Variants in PDE3A observed in about 807,000 individuals in gnomAD.
PDE3A encodes phosphodiesterase 3A.
PDE3A carries 43 observed loss-of-function variants against 98.3 expected under a neutral mutation model. The observed-to-expected ratio is 0.44, with a 90% CI of 0.34 to 0.56. The LOEUF (loss-of-function observed/expected upper bound fraction) is 0.56, where lower values mean the gene tolerates loss of function less well. Ranked by LOEUF, PDE3A falls within the 20% of genes least tolerant of loss-of-function variation. PDE3A has a pLI of 0.01. For synonymous variants in PDE3A, 663 were observed against 567.9 expected (o/e 1.17, Z -2.38); for missense variants, 1,427 against 1,440.7 (o/e 0.99, Z 0.15).
Position 20,646,497 on chromosome 12 carries a change from CAG to C in PDE3A, c.2261_2262del (p.Arg754AsnfsTer5). ...CCTGTTCACTGGTTACAGATCATAA[CAG>C]AATCCATGCCACTGATGTTTTACAT... is the stretch of plus-strand genomic sequence containing the variant. ...IGYRDIPYHN[R>X]IHATDVLHAV... On this transcript the variant is annotated frameshift_variant, in exon 11 of 16. Transcript: ENST00000359062. LOFTEE classifies it high-confidence loss of function. The C allele has an allele frequency of 6.3e-7, 1 of 1,576,848 alleles. No individual in the cohort carries two copies. Among genetic ancestry groups the C allele is most frequent in the Non-Finnish European group, 8.7e-7 (1 of 1,146,142 alleles).
chr12:20,488,703 A>T (rs1945773912), intron 1 of PDE3A, among the ~76,000 whole-genome samples: 1 of 151,916 alleles, frequency 6.6e-6, no homozygotes, highest in Non-Finnish European at 1.5e-5. Flanking sequence ...AATAACAACA[A>T]ATAATTACCT....
At chr12:20,451,646 G>C (rs1394594121) in intron 1 of PDE3A, among the ~76,000 whole-genome samples, 1 of 152,144 alleles carries the variant, frequency 6.6e-6, no homozygotes, top group African/African-American at 2.4e-5. Flanking sequence ...TGGGAGAAAG[G>C]ACCAGTGACT....
rs1379785606 is a variant in PDE3A at position 20,683,403 on chromosome 12, G to A, written c.*3132G>A. ...ATGAAAGAGTTTCTAGCCCACTTAGGGAAAAAGATAATTGTTTAGAAAACC... is the reference window on the plus strand; with the variant it reads ...ATGAAAGAGTTTCTAGCCCACTTAGAGAAAAAGATAATTGTTTAGAAAACC... On this transcript the variant is annotated 3_prime_UTR_variant, in exon 16 of 16. Transcript: ENST00000359062. 6.6e-6 allele frequency: 1 copy of A among 152,050 alleles called. No homozygotes were observed. Among genetic ancestry groups the A allele is most frequent in the African/African-American group, 2.4e-5 (1 of 41,402 alleles). The allele number at this position is 152,050 out of a possible 1,614,324, so 9.4% of individuals were successfully genotyped here. A position where few individuals can be genotyped will look rare whatever the true frequency, so the allele number is the denominator to read the frequency against.
chr12:20,518,687 A>C (rs528842254), intron 1 of PDE3A, among the ~76,000 whole-genome samples: 1 of 152,332 alleles, frequency 6.6e-6, no homozygotes, highest in South Asian at 2.1e-4. Context: ...TTGCATGTAA[A>C]AGAGAATGGT....
intron 1 of PDE3A, among the ~76,000 whole-genome samples, chr12:20,533,781 C>T (rs910642458): frequency 2.3e-4 from 35 of 152,074 alleles, no homozygotes; most frequent in Admixed American, 2.3e-3. Context: ...CCACCGCGCC[C>T]GGCCCCCACT....
chr12:20,408,578 A>C (rs2120696587), intron 1 of PDE3A, among the ~76,000 whole-genome samples: 1 of 152,218 alleles, frequency 6.6e-6, no homozygotes, highest in East Asian at 1.9e-4. Flanking sequence ...TTTCATTTTT[A>C]TTTCAAAGAT....
intron 1 of PDE3A, among the ~76,000 whole-genome samples, chr12:20,426,112 C>A (rs1000437297): frequency 1.3e-5 from 2 of 152,058 alleles, no homozygotes; most frequent in African/African-American, 4.8e-5. Context: ...ATACTTAATG[C>A]TGTTGAGGAA....
intron 2 of PDE3A, among the ~76,000 whole-genome samples, chr12:20,582,967 C>T (rs1565438301): frequency 6.6e-6 from 1 of 152,076 alleles, no homozygotes; most frequent in Non-Finnish European, 1.5e-5. Flanking sequence ...TCTTGAATTC[C>T]AAGGAACAAT....
At chr12:20,541,229 TA>T (rs1941900361) in intron 1 of PDE3A, among the ~76,000 whole-genome samples, 1 of 151,310 alleles carries the variant, frequency 6.6e-6, no homozygotes, top group African/African-American at 2.4e-5. Flanking sequence ...CTAGAATAGC[TA>T]GGACTACCAG....
intron 1 of PDE3A, among the ~76,000 whole-genome samples, chr12:20,426,350 G>A (rs1944601258): frequency 6.6e-6 from 1 of 152,106 alleles, no homozygotes; most frequent in South Asian, 2.1e-4. Context: ...CCAACTGTAT[G>A]TTGCAACTGC....
chr12:20,499,457 CA>C (rs927959957), intron 1 of PDE3A, among the ~76,000 whole-genome samples: 14 of 152,110 alleles, frequency 9.2e-5, no homozygotes, highest in South Asian at 2.1e-4. Context: ...TTTATAATAA[CA>C]AAAATGAAAT....
At chr12:20,447,078 T>C (rs1944969101) in intron 1 of PDE3A, among the ~76,000 whole-genome samples, 1 of 151,816 alleles carries the variant, frequency 6.6e-6, no homozygotes, top group African/African-American at 2.4e-5. Flanking sequence ...TGCAGAGGAG[T>C]GGCATCATTT....
intron 1 of PDE3A, among the ~76,000 whole-genome samples, chr12:20,490,929 AC>A (rs1182523592): frequency 3.3e-5 from 5 of 151,952 alleles, no homozygotes; most frequent in Non-Finnish European, 7.4e-5. Flanking sequence ...ACATAGTGAG[AC>A]CCCGTCTGTA....
intron 1 of PDE3A, among the ~76,000 whole-genome samples, chr12:20,464,998 A>G (rs1945315838): frequency 6.6e-6 from 1 of 152,226 alleles, no homozygotes; most frequent in Non-Finnish European, 1.5e-5. Context: ...TGAGAATATG[A>G]AATTCTAAAA....
intron 1 of PDE3A, among the ~76,000 whole-genome samples, chr12:20,375,454 G>C (rs1203740709): frequency 6.6e-6 from 1 of 151,860 alleles, no homozygotes; most frequent in African/African-American, 2.4e-5. Context: ...TGATCACTGA[G>C]AAAAAAGTCT....
intron 1 of PDE3A, among the ~76,000 whole-genome samples, chr12:20,478,054 G>A (rs1375023511): frequency 6.6e-6 from 1 of 152,160 alleles, no homozygotes; most frequent in Non-Finnish European, 1.5e-5. Context: ...TTAAGCTTCT[G>A]CAGGAGGCTC....
intron 2 of PDE3A, among the ~76,000 whole-genome samples, chr12:20,577,978 A>G (rs1174787515): frequency 6.6e-6 from 1 of 152,172 alleles, no homozygotes; most frequent in South Asian, 2.1e-4. Flanking sequence ...AAAATTTACC[A>G]GAGTGGGAGA....
rs140759925 is a variant in PDE3A, at chr12:20,369,190, C to CGTGT, written c.-77_-74dup. 173 of 653,624 alleles carry CGTGT rather than the reference C, an allele frequency of 2.6e-4. No individual in the cohort carries two copies. The highest frequency in any genetic ancestry group is 8.4e-4 in the Middle Eastern group (2 of 2,374). 40.5% of individuals were successfully genotyped at this position (653,624 alleles called of 1,614,324 possible). On this transcript the variant is annotated 5_prime_UTR_variant, in exon 1 of 16. Transcript: ENST00000359062. The stretch of plus-strand genomic sequence containing the variant: ...GGTGGAATTGGGAAGAGCGTGCGTG[C>CGTGT]GTGTGTGTGTGTGTGTGTGTGCGCG...
intron 2 of PDE3A, among the ~76,000 whole-genome samples, chr12:20,611,090 C>A (rs7961297): frequency 2.6e-5 from 4 of 151,854 alleles, no homozygotes; most frequent in Non-Finnish European, 5.9e-5. Context: ...ATAATGTTAA[C>A]CTGTCTCACT....
Sources: gnomAD v4.1 joint callset for allele counts (sites outside exome capture counted in the v4.1 genomes callset) on GRCh38, gnomAD v4.1.1 for gene constraint, MANE v1.5 for transcripts, NCBI Gene and HGNC (gene_info 2026-07-23, HGNC 2026-07-21) for gene names.